The following B4GALNT3 variants were observed in gnomAD, a reference collection of about 807,000 sequenced individuals.
B4GALNT3 encodes the protein beta-1,4-N-acetyl-galactosaminyltransferase 3.
B4GALNT3 carries 86 observed loss-of-function variants against 120.2 expected under a neutral mutation model. The observed-to-expected ratio is 0.72, with a 90% CI of 0.60 to 0.86. The LOEUF (loss-of-function observed/expected upper bound fraction) is 0.86. Among genes scored for constraint, B4GALNT3 ranks in the 40% least tolerant of loss-of-function variants. The pLI is 0.00. For missense variants in B4GALNT3, 1,167 were observed against 1,298.9 expected (o/e 0.90, Z 1.56); for synonymous variants, 518 against 510.4 (o/e 1.01, Z -0.20).
Position 513,845 on chromosome 12 carries a change from T to C in B4GALNT3, c.170-21321T>C, listed in dbSNP as rs552549790. Among the ~76,000 whole-genome samples, 3 of 152,372 alleles carry C rather than the reference T, an allele frequency of 2.0e-5. No individual in the cohort carries two copies. The East Asian group carries it at 5.8e-4, about 29-fold the overall frequency. Reference sequence around the variant, plus strand: ...CTCAAGCAGTCCTCTGACCTCAGTTTCCCAAAGCATGCGGATTACAGGCGT... The same window carrying C: ...CTCAAGCAGTCCTCTGACCTCAGTTCCCCAAAGCATGCGGATTACAGGCGT... On this transcript the variant is annotated intron_variant, in intron 1 of 19. Coordinates refer to ENST00000266383, the MANE Select transcript of B4GALNT3 (RefSeq NM_173593.4).
chr12:554,798 A>C (rs1947133372), intron 14 of B4GALNT3, among the ~76,000 whole-genome samples: 1 of 148,878 alleles, frequency 6.7e-6, no homozygotes, highest in African/African-American at 2.5e-5. Context: ...TCAAAAAAAA[A>C]AAAAAAAAAA....
At chr12:502,497 G>C (rs528167765) in intron 1 of B4GALNT3, among the ~76,000 whole-genome samples, 27 of 152,246 alleles carry the variant, frequency 1.8e-4, no homozygotes, top group African/African-American at 6.3e-4. Flanking sequence ...TAGGGACACA[G>C]GGCTGAGAGA....
rs768065243 is a variant in B4GALNT3, at chr12:548,955, A to G, written c.853+658A>G. Among the ~76,000 whole-genome samples the G allele has an allele frequency of 4.6e-5, 7 of 152,078 alleles. No individual in the cohort carries two copies. The highest frequency in any genetic ancestry group is 3.8e-4 in the East Asian group (2 of 5,200). On this transcript the variant is annotated intron_variant, in intron 9 of 19. Transcript: ENST00000266383. This position sits in a 1 kb window ranked among gnomAD's most constrained non-coding sequence, Gnocchi z 4.9. Reference sequence around the variant, plus strand: ...ACCCTCTGAGCGAGTCCAATCCCCTATTTTCCAGATGAGGTAACCACGGTT... The same window carrying G: ...ACCCTCTGAGCGAGTCCAATCCCCTGTTTTCCAGATGAGGTAACCACGGTT...
rs147760800 is a variant in B4GALNT3, at chr12:535,522, C to T, written c.273+253C>T. On this transcript the variant is annotated intron_variant, in intron 2 of 19. Coordinates refer to ENST00000266383, the MANE Select transcript of B4GALNT3 (RefSeq NM_173593.4). Reference sequence around the variant, plus strand: ...GGCCTGGTTTTCTGGTGTCTGCCCTCGTTCCCTAGTTCAGTTTGCCCGTGC... The same window carrying T: ...GGCCTGGTTTTCTGGTGTCTGCCCTTGTTCCCTAGTTCAGTTTGCCCGTGC... Among the ~76,000 whole-genome samples the T allele has an allele frequency of 5.3e-4, 81 of 152,286 alleles. 1 individual carries two copies. In the East Asian group the frequency reaches 7.5e-3, roughly 14 times the overall value.
intron 14 of B4GALNT3, among the ~76,000 whole-genome samples, chr12:554,577 T>C (rs796535743): frequency 1.7e-4 from 26 of 149,774 alleles, no homozygotes; most frequent in Non-Finnish European, 3.0e-5. Context: ...GATCACGAGG[T>C]CAGGAGATCG....
chr12:553,980 G>A lies in B4GALNT3; in HGVS notation c.2057G>A (p.Arg686Gln), dbSNP rs747740267. The A allele has an allele frequency of 1.1e-4, 169 of 1,608,594 alleles. 1 individual carries two copies. Among genetic ancestry groups the A allele is most frequent in the Non-Finnish European group, 1.3e-4 (155 of 1,177,208 alleles). ...VFLKKLNQRS[R>Q]GRYQLQRIVN... ...TTGAAGAAGCTCAACCAGAGGAGCC[G>A]GGGGTAAGGTAAAGGGCTCTCCTGG... Residue 686 changes from arginine (R) to glutamine (Q), a missense_variant, in exon 14 of 20, where the codon CGG becomes CAG. Arg to Gln is a conservative substitution (Grantham distance 43). Transcript: ENST00000266383.
intron 1 of B4GALNT3, among the ~76,000 whole-genome samples, chr12:520,231 C>G (rs749179687): frequency 7.4e-4 from 113 of 152,288 alleles, no homozygotes; most frequent in Non-Finnish European, 1.4e-3. Flanking sequence ...GTTGACCCAG[C>G]TATACATGGG....
At chr12:517,519 T>C (rs902387972) in intron 1 of B4GALNT3, among the ~76,000 whole-genome samples, 2 of 152,174 alleles carry the variant, frequency 1.3e-5, no homozygotes, top group Admixed American at 1.3e-4. Flanking sequence ...CTGTAAAATC[T>C]AGGTCTCTTT....
intron 14 of B4GALNT3, among the ~76,000 whole-genome samples, chr12:555,627 G>A (rs897857991): frequency 1.3e-5 from 2 of 152,102 alleles, no homozygotes; most frequent in Non-Finnish European, 2.9e-5. Context: ...GGGTCATATG[G>A]TAACTCTGTT....
rs372342237 is a variant in B4GALNT3 at position 556,694 on chromosome 12, C to A, written c.2208C>A (p.Gly736=). The change falls in exon 15 of 20, where the codon GGC becomes GGA. Residue 736 remains glycine (G), a synonymous_variant. Transcript: ENST00000266383. ...SEYVSARGWQ[G]IDPAGGEEVE... ...ATGTGTCTGCACGAGGCTGGCAGGG[C>A]ATCGATCCAGCTGGTGGGGAGGAGG... The A allele has an allele frequency of 6.2e-7, 1 of 1,613,804 alleles. No homozygotes were observed. Among genetic ancestry groups the A allele is most frequent in the African/African-American group, 1.3e-5 (1 of 74,938 alleles).
intron 1 of B4GALNT3, among the ~76,000 whole-genome samples, chr12:512,606 A>ACCTTCCACCTTCCG (rs1181594949): frequency 1.1e-5 from 1 of 90,752 alleles, no homozygotes; most frequent in African/African-American, 4.7e-5. Flanking sequence ...TCCACCTTCC[A>ACCTTCCACCTTCCG]CCTTCCACCT....
intron 1 of B4GALNT3, among the ~76,000 whole-genome samples, chr12:505,669 C>T (rs1281881267): frequency 6.6e-6 from 1 of 152,206 alleles, no homozygotes; most frequent in African/African-American, 2.4e-5. Flanking sequence ...GTCTCCCTGC[C>T]ACACTTCATT....
chr12:540,038 G>C (rs184062526), intron 3 of B4GALNT3, among the ~76,000 whole-genome samples: 2 of 152,226 alleles, frequency 1.3e-5, no homozygotes, highest in Non-Finnish European at 2.9e-5. Context: ...CCCCACTGCC[G>C]CATGAGTTAG....
chr12:468,158 A>G (rs535443847), intron 1 of B4GALNT3, among the ~76,000 whole-genome samples: 1 of 152,328 alleles, frequency 6.6e-6, no homozygotes, highest in Non-Finnish European at 1.5e-5. Flanking sequence ...AAATAAATCA[A>G]CAAAAGTGCT....
rs372937203 is a variant in B4GALNT3 at position 474,838 on chromosome 12, C to T, written c.169+14293C>T. On this transcript the variant is annotated intron_variant, in intron 1 of 19. Coordinates refer to ENST00000266383, the MANE Select transcript of B4GALNT3 (RefSeq NM_173593.4). ...CTGGAAGTGGTGGCACTACTATAGT[C>T]CCAGCTACTCGGGAGGCTCAAGATC... Among the ~76,000 whole-genome samples the T allele has an allele frequency of 1.3e-3, 191 of 151,912 alleles. 6 individuals carry two copies. In the South Asian group the frequency reaches 0.038, roughly 31 times the overall value.
intron 3 of B4GALNT3, among the ~76,000 whole-genome samples, chr12:541,148 T>C (rs551612036): frequency 6.6e-6 from 1 of 152,314 alleles, no homozygotes; most frequent in Admixed American, 6.5e-5. Context: ...TGAGATCCAG[T>C]TGGAGGCTCT....
At chr12:520,268 C>G (rs1415328142) in intron 1 of B4GALNT3, among the ~76,000 whole-genome samples, 3 of 152,170 alleles carry the variant, frequency 2.0e-5, no homozygotes, top group African/African-American at 7.2e-5. Context: ...AGAGCAGTTC[C>G]CTCTGGTCCT....
chr12:544,585 G>A, intron 4 of B4GALNT3, 151 bp downstream of exon 4: 1 of 742,802 alleles, frequency 1.3e-6, no homozygotes, highest in East Asian at 2.7e-5. Flanking sequence ...TAGTTCCCTT[G>A]TTTCCTTCCT....
In B4GALNT3 at chr12:460,613, G is replaced by C; in HGVS notation, c.169+68G>C. 2.4e-6 allele frequency: 3 copies of C among 1,267,000 alleles called. No homozygotes were observed. The highest frequency in any genetic ancestry group is 3.0e-6 in the Non-Finnish European group (3 of 990,662). The allele number at this position is 1,267,000 out of a possible 1,614,324, so 78.5% of individuals were successfully genotyped here. A position where few individuals can be genotyped will look rare whatever the true frequency, so the allele number is the denominator to read the frequency against. Reference sequence around the variant, plus strand: ...GCGGCGGCGGCTCCTGCGTTGGGGGGACCCGCCTCTCATCCCATCCTCAGA... The same window carrying C: ...GCGGCGGCGGCTCCTGCGTTGGGGGCACCCGCCTCTCATCCCATCCTCAGA... On this transcript the variant is annotated intron_variant, in intron 1 of 19. Transcript: ENST00000266383. The surrounding 1 kb of genome is among the most constrained non-coding windows in gnomAD (Gnocchi z 8.0).
Sources: gnomAD v4.1 joint callset for allele counts (sites outside exome capture counted in the v4.1 genomes callset) on GRCh38, gnomAD v4.1.1 for gene constraint, Gnocchi (gnomAD v3.1) non-coding constraint, MANE v1.5 for transcripts, NCBI Gene and HGNC (gene_info 2026-07-23, HGNC 2026-07-21) for gene names.